C6orf89: variants seen among roughly 807,000 people sequenced by gnomAD.
C6orf89 encodes the protein chromosome 6 open reading frame 89.
Under a neutral mutation model 40.7 loss-of-function variants are expected in C6orf89, and 29 were observed. The observed-to-expected ratio is 0.71, with a 90% CI of 0.53 to 0.97. The LOEUF (loss-of-function observed/expected upper bound fraction) is 0.97. C6orf89 is among the 50% of genes least tolerant of loss of function. The probability of loss-of-function intolerance (pLI) is 0.00; values close to 1 mark genes in which losing one functional copy is unlikely to be tolerated. For missense variants in C6orf89, 392 were observed against 429.1 expected, an observed-to-expected ratio of 0.91 and a Z score of 0.76; for synonymous variants, 165 against 152.2, an observed-to-expected ratio of 1.08 and a Z score of -0.62.
In C6orf89 at chr6:36,898,370, C is replaced by T. The variant is rs775145721; in HGVS notation, c.-19-1056C>T. On this transcript the variant is annotated intron_variant, in intron 2 of 8. Coordinates refer to ENST00000480824, the MANE Select transcript of C6orf89 (RefSeq NM_001286635.2). ...TCTCGGCTCACCACAACCTCTGCCTCCCGAGTTCAAGAGATTCTCCTGCCT... is the reference window on the plus strand; with the variant it reads ...TCTCGGCTCACCACAACCTCTGCCTTCCGAGTTCAAGAGATTCTCCTGCCT... 1.1e-4 allele frequency among the ~76,000 whole-genome samples: 17 copies of T among 151,446 alleles called. 1 individual carries two copies. In the South Asian group the frequency reaches 2.1e-3, roughly 19 times the overall value.
At chr6:36,917,134 A>G (rs1228181830) in intron 7 of C6orf89, among the ~76,000 whole-genome samples, 1 of 152,230 alleles carries the variant, frequency 6.6e-6, no homozygotes, top group African/African-American at 2.4e-5. Flanking sequence ...AAGGAAACTG[A>G]GTCCCAGAGA....
At chr6:36,878,178 T>C (rs929454320) in intron 1 of C6orf89, among the ~76,000 whole-genome samples, 1 of 152,262 alleles carries the variant, frequency 6.6e-6, no homozygotes, top group African/African-American at 2.4e-5. Flanking sequence ...GAAAGCATTA[T>C]CTTTTCCTCA....
At chr6:36,883,959 A>T (rs1352177617), upstream of C6orf89, among the ~76,000 whole-genome samples, 4 of 152,204 alleles carry the variant, frequency 2.6e-5, no homozygotes, top group Non-Finnish European at 5.9e-5. Flanking sequence ...AATACAGCAA[A>T]TGTAAATTAT....
chr6:36,914,116 C>T (rs969776892), intron 4 of C6orf89, among the ~76,000 whole-genome samples, 168 bp from the exon 5 acceptor site: 3 of 152,188 alleles, frequency 2.0e-5, no homozygotes, highest in African/African-American at 7.2e-5. Flanking sequence ...AGCTGGACGG[C>T]ACCACTGCAC....
In C6orf89 at chr6:36,923,975, G is replaced by T; in HGVS notation, c.*534G>T. 5.2e-6 allele frequency: 1 copy of T among 192,298 alleles called. No individual in the cohort carries two copies. Among genetic ancestry groups the T allele is most frequent in the Non-Finnish European group, 1.1e-5 (1 of 90,888 alleles). 11.9% of individuals were successfully genotyped at this position (192,298 alleles called of 1,614,324 possible). ...ATCTAGAAACAGTGAAAAAAGTTCA[G>T]ATAACTTTGAATTGCATTCAAGAAG... On this transcript the variant is annotated 3_prime_UTR_variant, in exon 9 of 9. Transcript: ENST00000480824.
intron 4 of C6orf89, among the ~76,000 whole-genome samples, chr6:36,910,482 C>A (rs1349169864): frequency 6.6e-6 from 1 of 152,114 alleles, no homozygotes; most frequent in Non-Finnish European, 1.5e-5. Context: ...AATTCCAGCA[C>A]TTTGGGAGGC....
chr6:36,886,038 T>TG lies in C6orf89; in HGVS notation c.-120+14dup. On this transcript the variant is annotated intron_variant, in intron 1 of 8. Coordinates refer to ENST00000480824, the MANE Select transcript of C6orf89 (RefSeq NM_001286635.2). ...GGCGCGAGCCCCGCATGTGAGTGAC[T>TG]GGGGCCCGAGGCTGGGTGGGGGGAG... The TG allele has an allele frequency of 8.0e-7, 1 of 1,252,652 alleles. No homozygotes were observed. The allele number at this position is 1,252,652 out of a possible 1,614,324, so 77.6% of individuals were successfully genotyped here.
intron 3 of C6orf89, 95 bp from the exon 4 acceptor site, chr6:36,902,126 G>A: frequency 1.0e-6 from 1 of 998,648 alleles, no homozygotes; most frequent in East Asian, 2.4e-5. Flanking sequence ...AGGCACATTG[G>A]AAGTAGCAGA....
At chr6:36,918,019 C>A (rs1429013201) in intron 7 of C6orf89, among the ~76,000 whole-genome samples, 2 of 152,246 alleles carry the variant, frequency 1.3e-5, no homozygotes, top group Non-Finnish European at 2.9e-5. Context: ...TGTTTCCCCA[C>A]CCTGGCCCAA....
At chr6:36,889,349 A>G (rs139393863) in intron 1 of C6orf89, among the ~76,000 whole-genome samples, 11 of 152,326 alleles carry the variant, frequency 7.2e-5, no homozygotes, top group Non-Finnish European at 1.5e-4. Context: ...TTAATAAATG[A>G]ATGGAAACCT....
chr6:36,894,792 G>T (rs1248228111), intron 2 of C6orf89, among the ~76,000 whole-genome samples, 189 bp downstream of exon 2: 1 of 152,166 alleles, frequency 6.6e-6, no homozygotes, highest in Non-Finnish European at 1.5e-5. Flanking sequence ...GGCATATAGG[G>T]TGGGAACAGG....
chr6:36,884,038 G>C (rs1026378334), upstream of C6orf89, among the ~76,000 whole-genome samples: 5 of 152,208 alleles, frequency 3.3e-5, no homozygotes, highest in African/African-American at 4.8e-5. The surrounding 1 kb of genome is among the most constrained non-coding windows in gnomAD (Gnocchi z 4.0). Context: ...GAGGTAGGCG[G>C]ATCCCCTGAG....
At chr6:36,900,720 C>T (rs779968022) in intron 3 of C6orf89, among the ~76,000 whole-genome samples, 1 of 151,990 alleles carries the variant, frequency 6.6e-6, no homozygotes, top group Non-Finnish European at 1.5e-5. Flanking sequence ...AGGCTGGTCT[C>T]GAACTCCTGG....
At chr6:36,905,556 C>T (rs1306523146) in intron 4 of C6orf89, among the ~76,000 whole-genome samples, 1 of 152,176 alleles carries the variant, frequency 6.6e-6, no homozygotes, top group Non-Finnish European at 1.5e-5. Context: ...GTTCATCCTC[C>T]CTAGTCTGCA....
chr6:36,917,567 C>T (rs946994760), intron 7 of C6orf89, among the ~76,000 whole-genome samples: 2 of 152,190 alleles, frequency 1.3e-5, no homozygotes, highest in African/African-American at 4.8e-5. Context: ...CACCTCTGGA[C>T]CATGGCTTCC....
chr6:36,921,225 G>T (rs1416762557), intron 8 of C6orf89, among the ~76,000 whole-genome samples: 1 of 152,080 alleles, frequency 6.6e-6, no homozygotes, highest in African/African-American at 2.4e-5. Flanking sequence ...GAAGAATGGG[G>T]GCAGGGAGGG....
intron 4 of C6orf89, among the ~76,000 whole-genome samples, chr6:36,902,997 T>C (rs1001039150): frequency 1.3e-5 from 2 of 152,236 alleles, no homozygotes; most frequent in African/African-American, 4.8e-5. Context: ...ATAAATTTAG[T>C]AACAGTGCAT....
At chr6:36,877,812 T>C (rs1233886027) in intron 1 of C6orf89, among the ~76,000 whole-genome samples, 3 of 152,274 alleles carry the variant, frequency 2.0e-5, no homozygotes, top group Non-Finnish European at 4.4e-5. Context: ...TTTTTCCATA[T>C]GTGTGCCATT....
chr6:36,886,707 T>C (rs1284865895), intron 1 of C6orf89, among the ~76,000 whole-genome samples: 1 of 152,258 alleles, frequency 6.6e-6, no homozygotes, highest in Non-Finnish European at 1.5e-5. Context: ...CACTTTATAA[T>C]AGAGACTACT....
Sources: gnomAD v4.1 joint callset for allele counts (sites outside exome capture counted in the v4.1 genomes callset) on GRCh38, gnomAD v4.1.1 for gene constraint, Gnocchi (gnomAD v3.1) non-coding constraint, MANE v1.5 for transcripts, NCBI Gene and HGNC (gene_info 2026-07-23, HGNC 2026-07-21) for gene names.